KHDRBS3: variants seen among roughly 807,000 people sequenced by gnomAD.
The protein encoded by KHDRBS3 is KH RNA binding domain containing, signal transduction associated 3.
A neutral mutation model predicts 45.6 loss-of-function variants in KHDRBS3; 23 were observed. The observed-to-expected ratio is 0.50, with a 90% confidence interval of 0.36 to 0.72. KHDRBS3 has a LOEUF of 0.72. KHDRBS3 is among the 30% of genes least tolerant of loss of function. KHDRBS3 has a pLI of 0.00. For missense variants in KHDRBS3, 352 were observed against 424.8 expected (o/e 0.83, Z 1.51); for synonymous variants, 162 against 156.5 (o/e 1.04, Z -0.26).
chr8:135,507,856 T>A (rs1824085951), intron 1 of KHDRBS3, among the ~76,000 whole-genome samples: 1 of 152,234 alleles, frequency 6.6e-6, no homozygotes, highest in South Asian at 2.1e-4. Context: ...TGATTTTTCA[T>A]CAGTGTCTTA....
At chr8:135,482,617 G>A (rs1029308770) in intron 1 of KHDRBS3, among the ~76,000 whole-genome samples, 3 of 152,106 alleles carry the variant, frequency 2.0e-5, no homozygotes, top group Non-Finnish European at 2.9e-5. Flanking sequence ...GGGCGCGTGT[G>A]TATGCCGGGG....
chr8:135,647,074 G>A lies in KHDRBS3; in HGVS notation c.1031G>A (p.Gly344Asp). 1 of 1,587,996 alleles carries A rather than the reference G, an allele frequency of 6.3e-7. No homozygotes were observed. Among genetic ancestry groups the A allele is most frequent in the East Asian group, 2.2e-5 (1 of 44,726 alleles). The change falls in exon 9 of 9, where the codon GGC (glycine) becomes GAC (aspartate). Residue 344 changes from glycine (G) to aspartate (D), a missense_variant. By Grantham distance (94) the Gly-to-Asp change is moderately conservative (BLOSUM62 -1). Around this residue, in one of 6 missense-constraint regions of KHDRBS3, gnomAD observed 212 missense variants for 209.6 expected, o/e 1.01. Transcript: ENST00000355849. Reference sequence around the variant, plus strand: ...GGCGTCTACAGAGACCAGCCATATGGCAGATACTGATTGTACTGTCTGATG... The same window carrying A: ...GGCGTCTACAGAGACCAGCCATATGACAGATACTGATTGTACTGTCTGATG... Reference protein sequence around the residue: ...AKGVYRDQPYGRY With the variant: ...AKGVYRDQPYDRY
chr8:135,560,367 G>A (rs1827112000), intron 5 of KHDRBS3, among the ~76,000 whole-genome samples: 1 of 151,938 alleles, frequency 6.6e-6, no homozygotes, highest in South Asian at 2.1e-4. Context: ...ATATGTGTAT[G>A]TAATAAAATT....
chr8:135,574,783 T>C (rs148278605), intron 5 of KHDRBS3, among the ~76,000 whole-genome samples: 1 of 152,338 alleles, frequency 6.6e-6, no homozygotes, highest in East Asian at 1.9e-4. Flanking sequence ...GGTAAGACAC[T>C]ACAGAAATTA....
Position 135,548,816 on chromosome 8 carries a change from T to G in KHDRBS3, c.387T>G (p.Val129=). The change falls in exon 4 of 9, where the codon GTT becomes GTG. Residue 129 remains valine, a synonymous_variant. Transcript: ENST00000355849. ...TCCATCTCAATGATGATCTCCATGT[T>G]CTCATTGAAGTGTTTGCCCCACCTG... The part of the protein sequence containing the change: ...KYFHLNDDLH[V]LIEVFAPPAE... 1 of 1,603,546 alleles carries G rather than the reference T, an allele frequency of 6.2e-7. No homozygotes were observed. The highest frequency in any genetic ancestry group is 8.5e-7 in the Non-Finnish European group (1 of 1,174,316).
intron 3 of KHDRBS3, among the ~76,000 whole-genome samples, chr8:135,545,520 A>T (rs1826251463): frequency 6.6e-6 from 1 of 152,204 alleles, no homozygotes; most frequent in African/African-American, 2.4e-5. Flanking sequence ...GAGACGGCTG[A>T]GCATCTGTAT....
chr8:135,639,853 G>GC (rs1830985844), intron 7 of KHDRBS3, among the ~76,000 whole-genome samples: 1 of 152,292 alleles, frequency 6.6e-6, no homozygotes, highest in South Asian at 2.1e-4. Flanking sequence ...TGAGGGATCT[G>GC]CCCCCGATCC....
intron 1 of KHDRBS3, among the ~76,000 whole-genome samples, chr8:135,518,095 A>C (rs1353421532): frequency 2.0e-5 from 3 of 152,184 alleles, no homozygotes; most frequent in Admixed American, 2.0e-4. Context: ...AAACGTGTGG[A>C]ATTCTGAATT....
chr8:135,606,368 T>G lies in KHDRBS3; in HGVS notation c.808-587T>G, dbSNP rs557909063. On this transcript the variant is annotated intron_variant, in intron 6 of 8. Coordinates refer to ENST00000355849, the MANE Select transcript of KHDRBS3 (RefSeq NM_006558.3). Reference sequence around the variant, plus strand: ...TAGCCCATTGTTTGTTCAGTTTTTCTTCACTACCTCAGGCAGCAGAAATGT... The same window carrying G: ...TAGCCCATTGTTTGTTCAGTTTTTCGTCACTACCTCAGGCAGCAGAAATGT... Among the ~76,000 whole-genome samples the G allele has an allele frequency of 9.8e-5, 15 of 152,308 alleles. No individual in the cohort carries two copies. The East Asian group carries it at 2.7e-3, about 27-fold the overall frequency.
At chr8:135,504,152 GT>G (rs1823873835) in intron 1 of KHDRBS3, among the ~76,000 whole-genome samples, 2 of 152,024 alleles carry the variant, frequency 1.3e-5, no homozygotes, top group South Asian at 4.1e-4. Flanking sequence ...GTTTTTATTA[GT>G]TTTTATTACT....
intron 4 of KHDRBS3, among the ~76,000 whole-genome samples, chr8:135,556,402 T>G (rs1826887927): frequency 6.6e-6 from 1 of 152,214 alleles, no homozygotes; most frequent in African/African-American, 2.4e-5. Flanking sequence ...ATCTGTTGTT[T>G]CCTGACTTTT....
At chr8:135,471,285 C>T (rs1304949603) in intron 1 of KHDRBS3, among the ~76,000 whole-genome samples, 1 of 152,204 alleles carries the variant, frequency 6.6e-6, no homozygotes, top group Non-Finnish European at 1.5e-5. Context: ...AGGCTTCAGA[C>T]TTTTAGACCC....
intron 6 of KHDRBS3, among the ~76,000 whole-genome samples, chr8:135,588,933 A>G (rs920968260): frequency 1.3e-5 from 2 of 152,184 alleles, no homozygotes; most frequent in Admixed American, 6.5e-5. Context: ...GTTAAGATGA[A>G]TGGCACTACC....
At chr8:135,483,801 T>C (rs1033093128) in intron 1 of KHDRBS3, among the ~76,000 whole-genome samples, 1 of 152,216 alleles carries the variant, frequency 6.6e-6, no homozygotes, top group Non-Finnish European at 1.5e-5. Flanking sequence ...CATGACCTGC[T>C]TATTCTCTCT....
intron 1 of KHDRBS3, among the ~76,000 whole-genome samples, chr8:135,461,500 G>A (rs1289716578): frequency 6.6e-6 from 1 of 152,198 alleles, no homozygotes; most frequent in Non-Finnish European, 1.5e-5. Context: ...TCCGGACCCC[G>A]CCTTGGTGCC....
intron 5 of KHDRBS3, among the ~76,000 whole-genome samples, chr8:135,570,779 G>A (rs1208470410): frequency 2.0e-5 from 3 of 151,980 alleles, no homozygotes; most frequent in Non-Finnish European, 2.9e-5. Flanking sequence ...AAAACTGGAC[G>A]ACTTACCATG....
chr8:135,589,870 CA>C (rs1465245379), intron 6 of KHDRBS3, among the ~76,000 whole-genome samples: 1 of 152,214 alleles, frequency 6.6e-6, no homozygotes, highest in African/African-American at 2.4e-5. Flanking sequence ...GTATACTTTT[CA>C]GCACACTTAG....
intron 4 of KHDRBS3, among the ~76,000 whole-genome samples, chr8:135,655,647 C>T (rs543513011): frequency 6.6e-6 from 1 of 152,206 alleles, no homozygotes; most frequent in African/African-American, 2.4e-5. Flanking sequence ...AAACACTTAC[C>T]TAGGGCCTGG....
chr8:135,479,301 CA>C (rs756886915), intron 1 of KHDRBS3, among the ~76,000 whole-genome samples: 271 of 152,172 alleles, frequency 1.8e-3, no homozygotes, highest in Middle Eastern at 3.4e-3. Flanking sequence ...TGTTAAACAA[CA>C]ACAAAAAACC....
Sources: gnomAD v4.1 joint callset for allele counts (sites outside exome capture counted in the v4.1 genomes callset) on GRCh38, gnomAD v4.1.1 for gene constraint, gnomAD v4.1.1 regional missense constraint, MANE v1.5 for transcripts, NCBI Gene and HGNC (gene_info 2026-07-23, HGNC 2026-07-21) for gene names.